The following MMAB variants were observed in gnomAD, a reference collection of about 807,000 sequenced individuals.
MMAB encodes the protein corrinoid adenosyltransferase MMAB.
A neutral mutation model predicts 30.6 loss-of-function variants in MMAB; 17 were observed. The observed-to-expected ratio is 0.56, with a 90% CI of 0.38 to 0.83. The LOEUF is 0.83. Ranked by LOEUF, MMAB falls within the 40% of genes least tolerant of loss-of-function variation. The pLI is 0.00. For synonymous variants in MMAB, 134 were observed against 138.6 expected, an observed-to-expected ratio of 0.97 and a Z score of 0.23; for missense variants, 311 against 331.6, an observed-to-expected ratio of 0.94 and a Z score of 0.48.
chr12:109,563,536 C>T (rs933245663), intron 4 of MMAB, among the ~76,000 whole-genome samples: 1 of 152,220 alleles, frequency 6.6e-6, no homozygotes, highest in Non-Finnish European at 1.5e-5. Context: ...GGTTAACACC[C>T]CTTGTGATGC....
In MMAB at chr12:109,570,873, C is replaced by CCAAAAAA. The variant is rs1450021201; in HGVS notation, c.196+775_196+776insTTTTTTG. Among the ~76,000 whole-genome samples, 209 of 92,334 alleles carry CCAAAAAA rather than the reference C, an allele frequency of 2.3e-3. 1 individual carries two copies. The highest frequency in any genetic ancestry group is 7.8e-3 in the African/African-American group (198 of 25,410). The allele number at this position is 92,334 out of a possible 152,430, so 60.6% of individuals were successfully genotyped here. On this transcript the variant is annotated intron_variant, in intron 2 of 8. Transcript: ENST00000545712. Reference sequence around the variant, plus strand: ...TGGGTGACAGAGTAAAACCCTGTATCAAAAAAAAAAAAAAAAAAGGATCAT... The same window carrying CCAAAAAA: ...TGGGTGACAGAGTAAAACCCTGTATCCAAAAAAAAAAAAAAAAAAAAAAAAGGATCAT...
chr12:109,554,624 T>G lies in MMAB; in HGVS notation c.*2404A>C, dbSNP rs1162077321. On this transcript the variant is annotated 3_prime_UTR_variant, in exon 9 of 9. Coordinates refer to ENST00000545712, the MANE Select transcript of MMAB (RefSeq NM_052845.4). ...AGAGTTGCCAGTGGTGTGCAAACAC[T>G]GGGGCAGCGGGGGCTTCGCAGTCAC... The G allele has an allele frequency of 4.4e-6, 2 of 454,118 alleles. No individual in the cohort carries two copies. The highest frequency in any genetic ancestry group is 3.1e-5 in the South Asian group (2 of 64,476). 28.1% of individuals were successfully genotyped at this position (454,118 alleles called of 1,614,324 possible).
chr12:109,558,964 A>G lies in MMAB; in HGVS notation c.644+132T>C. 1 of 726,040 alleles carries G rather than the reference A, an allele frequency of 1.4e-6. No individual in the cohort carries two copies. The highest frequency in any genetic ancestry group is 2.5e-6 in the Non-Finnish European group (1 of 405,502). The allele number at this position is 726,040 out of a possible 1,614,324, so 45.0% of individuals were successfully genotyped here. On this transcript the variant is annotated intron_variant, in intron 8 of 8. Transcript: ENST00000545712. This position sits in a 1 kb window ranked among gnomAD's most constrained non-coding sequence, Gnocchi z 4.3. ...TGCCTGGCACAGAGCAGATGTTCAT[A>G]AACACTAAGGGAATGAAGGAGGGGG...
In MMAB at chr12:109,553,974, G is replaced by A. The variant is rs1293118133; in HGVS notation, c.*3054C>T. On this transcript the variant is annotated 3_prime_UTR_variant, in exon 9 of 9. Coordinates refer to ENST00000545712, the MANE Select transcript of MMAB (RefSeq NM_052845.4). Reference sequence around the variant, plus strand: ...TACTCGATGAAAAACGCACATTAACGATAGCCATGAAATATTAGTTAAGGG... The same window carrying A: ...TACTCGATGAAAAACGCACATTAACAATAGCCATGAAATATTAGTTAAGGG... 2.2e-5 allele frequency: 10 copies of A among 453,972 alleles called. 1 individual carries two copies. The highest frequency in any genetic ancestry group is 7.1e-5 in the Admixed American group (3 of 42,544). The allele number at this position is 453,972 out of a possible 1,614,324, so 28.1% of individuals were successfully genotyped here. A position where few individuals can be genotyped will look rare whatever the true frequency, so the allele number is the denominator to read the frequency against.
chr12:109,568,727 C>T (rs775447652), intron 3 of MMAB, 43 bp downstream of exon 3: 5 of 1,436,402 alleles, frequency 3.5e-6, no homozygotes, highest in Non-Finnish European at 4.9e-6. Context: ...TTTACTCATA[C>T]TCGACTCAAA....
At chr12:109,570,695 C>A (rs540033032) in intron 2 of MMAB, among the ~76,000 whole-genome samples, 1 of 151,940 alleles carries the variant, frequency 6.6e-6, no homozygotes, top group Non-Finnish European at 1.5e-5. Flanking sequence ...CACAGCAAGA[C>A]CTCATCTCTA....
intron 3 of MMAB, among the ~76,000 whole-genome samples, chr12:109,567,660 C>T (rs954466423): frequency 9.9e-5 from 15 of 152,166 alleles, no homozygotes; most frequent in South Asian, 2.1e-4. Flanking sequence ...GAGACAGAGT[C>T]GTACTCTGTC....
In MMAB at chr12:109,555,619, C is replaced by T. The variant is rs72650177; in HGVS notation, c.*1409G>A. The stretch of plus-strand genomic sequence containing the variant: ...GACTCCGTACCAGACCTGGTAGTGA[C>T]GATGGGGGCAGGGAGGCACGGAACA... On this transcript the variant is annotated 3_prime_UTR_variant, in exon 9 of 9. Transcript: ENST00000545712. The T allele has an allele frequency of 0.056, 25,077 of 451,268 alleles. 851 individuals are homozygous for T. The highest frequency in any genetic ancestry group is 0.066 in the Non-Finnish European group (14,869 of 225,108). 28.0% of individuals were successfully genotyped at this position (451,268 alleles called of 1,614,324 possible).
Position 109,555,695 on chromosome 12 carries a change from C to T in MMAB, c.*1333G>A, listed in dbSNP as rs1469012897. On this transcript the variant is annotated 3_prime_UTR_variant, in exon 9 of 9. Transcript: ENST00000545712. Reference sequence around the variant, plus strand: ...ACACTCCTGGTCATCTGCACCTCACCCACCCTGCCCAAGGCTCAAGAGGGC... The same window carrying T: ...ACACTCCTGGTCATCTGCACCTCACTCACCCTGCCCAAGGCTCAAGAGGGC... The T allele has an allele frequency of 2.2e-6, 1 of 453,550 alleles. No homozygotes were observed. 28.1% of individuals were successfully genotyped at this position (453,550 alleles called of 1,614,324 possible).
chr12:109,568,635 T>A (rs1884524661), intron 3 of MMAB, 135 bp downstream of exon 3: 1 of 774,824 alleles, frequency 1.3e-6, no homozygotes, highest in African/African-American at 1.7e-5. Context: ...AGCCTGTGCT[T>A]CAGGGCTGAG....
chr12:109,573,096 C>T (rs182714484), intron 1 of MMAB, among the ~76,000 whole-genome samples: 1 of 152,332 alleles, frequency 6.6e-6, no homozygotes, highest in Non-Finnish European at 1.5e-5. Context: ...CAATCTGAGT[C>T]GAGAGCCCTC....
intron 3 of MMAB, among the ~76,000 whole-genome samples, chr12:109,566,595 C>G (rs1394977456): frequency 6.6e-6 from 1 of 152,272 alleles, no homozygotes; most frequent in Non-Finnish European, 1.5e-5. Context: ...TGCCCCAAGC[C>G]TGCTCCCACC....
Position 109,554,117 on chromosome 12 carries a change from G to C in MMAB, c.*2911C>G. On this transcript the variant is annotated 3_prime_UTR_variant, in exon 9 of 9. Coordinates refer to ENST00000545712, the MANE Select transcript of MMAB (RefSeq NM_052845.4). ...AGTGGGTGGGAGCTGAGGAGCACGG[G>C]GCTGTGAGTGACGAGGCCGCGTCCG... 2.2e-6 allele frequency: 1 copy of C among 454,040 alleles called. No homozygotes were observed. Among genetic ancestry groups the C allele is most frequent in the Middle Eastern group, 6.9e-4 (1 of 1,444 alleles). 28.1% of individuals were successfully genotyped at this position (454,040 alleles called of 1,614,324 possible).
chr12:109,553,891 G>A lies in MMAB; in HGVS notation c.*3137C>T, dbSNP rs777229010. ...AAGGGTGACATTGCCACTGACGGGG[G>A]CTTCCGAACTGGGGACGTTTGTCAT... On this transcript the variant is annotated 3_prime_UTR_variant, in exon 9 of 9. Transcript: ENST00000545712. 3 of 454,126 alleles carry A rather than the reference G, an allele frequency of 6.6e-6. No homozygotes were observed. Among genetic ancestry groups the A allele is most frequent in the South Asian group, 4.7e-5 (3 of 64,480 alleles). 28.1% of individuals were successfully genotyped at this position (454,126 alleles called of 1,614,324 possible).
intron 3 of MMAB, among the ~76,000 whole-genome samples, chr12:109,567,559 C>T (rs530505428): frequency 1.3e-5 from 2 of 151,920 alleles, no homozygotes; most frequent in South Asian, 2.1e-4. Flanking sequence ...CCTCCTACCC[C>T]GCTGATGTCA....
chr12:109,562,101 C>G (rs1288344032), intron 4 of MMAB, among the ~76,000 whole-genome samples: 1 of 152,136 alleles, frequency 6.6e-6, no homozygotes, highest in African/African-American at 2.4e-5. Flanking sequence ...CCCCAGCCCC[C>G]TAGTGCTGTC....
In MMAB at chr12:109,568,436, G is replaced by A; in HGVS notation, c.290+334C>T. On this transcript the variant is annotated intron_variant, in intron 3 of 8. Transcript: ENST00000545712. ...AGTCACAAAAGGGATCACATTGGAT[G>A]TACTGTGCATTATACTAACTCACCT... is the stretch of plus-strand genomic sequence containing the variant. The A allele has an allele frequency of 1.2e-5, 5 of 424,550 alleles. No homozygotes were observed. In the South Asian group the frequency reaches 1.2e-4, roughly 10 times the overall value. 26.3% of individuals were successfully genotyped at this position (424,550 alleles called of 1,614,324 possible).
Position 109,561,527 on chromosome 12 carries a change from C to T in MMAB, c.422-10G>A. ...TTGAACGTGGTATACTCTGAGGAGC[C>T]AAGGAGCAGAGGGAACTGCCATGAG... On this transcript the variant is annotated splice_polypyrimidine_tract_variant and intron_variant, in intron 5 of 8. Transcript: ENST00000545712. The surrounding 1 kb of genome is among the most constrained non-coding windows in gnomAD (Gnocchi z 5.3). The T allele has an allele frequency of 1.3e-6, 2 of 1,546,270 alleles. No homozygotes were observed. Among genetic ancestry groups the T allele is most frequent in the Non-Finnish European group, 8.7e-7 (1 of 1,146,132 alleles).
chr12:109,557,228 G>A lies in MMAB; in HGVS notation c.645-92C>T, dbSNP rs141425407. On this transcript the variant is annotated intron_variant, in intron 8 of 8. Coordinates refer to ENST00000545712, the MANE Select transcript of MMAB (RefSeq NM_052845.4). ...TTCCCATATCCGCCTACAAGGAGGA[G>A]ATATAAATGACGCACTCTGGGCACA... The A allele has an allele frequency of 5.3e-4, 481 of 900,864 alleles. 8 individuals are homozygous for A. Among genetic ancestry groups the A allele is most frequent in the East Asian group, 3.9e-3 (163 of 41,268 alleles). The allele number at this position is 900,864 out of a possible 1,614,324, so 55.8% of individuals were successfully genotyped here. A position where few individuals can be genotyped will look rare whatever the true frequency, so the allele number is the denominator to read the frequency against.
Sources: gnomAD v4.1 joint callset for allele counts (sites outside exome capture counted in the v4.1 genomes callset) on GRCh38, gnomAD v4.1.1 for gene constraint, Gnocchi (gnomAD v3.1) non-coding constraint, MANE v1.5 for transcripts, NCBI Gene and HGNC (gene_info 2026-07-23, HGNC 2026-07-21) for gene names.